IGSF11: variants seen among roughly 807,000 people sequenced by gnomAD.
IGSF11 encodes immunoglobulin superfamily member 11.
A neutral mutation model predicts 41.0 loss-of-function variants in IGSF11; 22 were observed. That is an observed-to-expected ratio of 0.54 (90% CI 0.38 to 0.77). IGSF11 has a LOEUF of 0.77. IGSF11 is among the 30% of genes least tolerant of loss of function. IGSF11 has a pLI of 0.00. For missense variants in IGSF11, 444 were observed against 530.8 expected, an observed-to-expected ratio of 0.84 and a Z score of 1.61; for synonymous variants, 219 against 201.3, an observed-to-expected ratio of 1.09 and a Z score of -0.74.
chr3:119,011,637 T>C (rs906798771), intron 1 of IGSF11, among the ~76,000 whole-genome samples: 6 of 152,058 alleles, frequency 3.9e-5, no homozygotes, highest in African/African-American at 1.5e-4. Context: ...AGAAATACTA[T>C]ATAAGTATCT....
chr3:119,057,487 G>C (rs1335668103), intron 1 of IGSF11, among the ~76,000 whole-genome samples: 1 of 152,280 alleles, frequency 6.6e-6, no homozygotes, highest in African/African-American at 2.4e-5. Context: ...ACAAACAAAT[G>C]GAAGAACATT....
chr3:119,056,202 C>T (rs1045749070), intron 1 of IGSF11, among the ~76,000 whole-genome samples: 4 of 151,744 alleles, frequency 2.6e-5, no homozygotes, highest in African/African-American at 9.7e-5. Flanking sequence ...TTGAAAAGAT[C>T]AACAAAATTG....
At chr3:119,121,005 T>C (rs2077325968) in intron 1 of IGSF11, among the ~76,000 whole-genome samples, 1 of 151,852 alleles carries the variant, frequency 6.6e-6, no homozygotes, top group African/African-American at 2.4e-5. Flanking sequence ...ATAGAATTAA[T>C]ACAGAAAAAT....
chr3:119,034,358 G>A (rs557343256), intron 1 of IGSF11, among the ~76,000 whole-genome samples, 173 bp downstream of exon 1: 1 of 152,320 alleles, frequency 6.6e-6, no homozygotes, highest in African/African-American at 2.4e-5. Context: ...GGCAGAAGCA[G>A]CCGCTGCAGG....
intron 1 of IGSF11, among the ~76,000 whole-genome samples, chr3:119,077,274 G>A (rs1180574863): frequency 2.0e-5 from 3 of 151,994 alleles, no homozygotes; most frequent in Admixed American, 6.5e-5. Flanking sequence ...GTTGTGGGGT[G>A]GGGGAAGGGG....
chr3:118,911,097 T>C (rs759947951), intron 4 of IGSF11, among the ~76,000 whole-genome samples: 4 of 152,010 alleles, frequency 2.6e-5, no homozygotes, highest in Non-Finnish European at 4.4e-5. Flanking sequence ...AGTTGCAGAG[T>C]AAGGTGTATG....
At chr3:119,034,922 T>TCGCCG (rs557466185), upstream of IGSF11, 31,387 of 877,266 alleles carry the variant, frequency 0.036, 923 homozygotes, top group Non-Finnish European at 0.038. Context: ...GCTCGGCTCC[T>TCGCCG]CGCCGCGCCG....
At chr3:119,009,535 A>G (rs1937840836) in intron 1 of IGSF11, among the ~76,000 whole-genome samples, 1 of 152,096 alleles carries the variant, frequency 6.6e-6, no homozygotes, top group South Asian at 2.1e-4. Flanking sequence ...TGAAGAAGGT[A>G]CTTGCTTTTC....
chr3:118,936,421 C>A (rs1303971240), intron 1 of IGSF11, among the ~76,000 whole-genome samples: 1 of 151,224 alleles, frequency 6.6e-6, no homozygotes, highest in Non-Finnish European at 1.5e-5. Context: ...GCAGGAGAGT[C>A]GCTTTAACCT....
chr3:119,105,924 C>A (rs1255544566), upstream of IGSF11, among the ~76,000 whole-genome samples: 1 of 152,056 alleles, frequency 6.6e-6, no homozygotes, highest in Non-Finnish European at 1.5e-5. Context: ...CCCCTTGAAC[C>A]CCAACCAACA....
intron 1 of IGSF11, among the ~76,000 whole-genome samples, chr3:119,079,134 G>A (rs1490915774): frequency 2.6e-5 from 4 of 152,138 alleles, no homozygotes; most frequent in African/African-American, 9.7e-5. Flanking sequence ...GAAGTGGGCA[G>A]ATCACCTGAG....
intron 4 of IGSF11, among the ~76,000 whole-genome samples, chr3:118,909,648 C>T (rs1047066947): frequency 8.5e-5 from 13 of 152,180 alleles, no homozygotes; most frequent in African/African-American, 2.7e-4. Flanking sequence ...CCAAGGGCAC[C>T]GTCCAGATGG....
chr3:119,068,866 T>C (rs186647559), intron 1 of IGSF11, among the ~76,000 whole-genome samples: 3 of 151,980 alleles, frequency 2.0e-5, no homozygotes, highest in African/African-American at 7.2e-5. Context: ...AAGTAAAGCA[T>C]GCAATTAGAG....
chr3:119,141,042 TA>T (rs35323898), intron 1 of IGSF11, among the ~76,000 whole-genome samples: 233 of 99,764 alleles, frequency 2.3e-3, no homozygotes, highest in African/African-American at 7.8e-3. Flanking sequence ...TCTGTCTCAT[TA>T]AAAAAAAAAA....
intron 1 of IGSF11, among the ~76,000 whole-genome samples, chr3:119,073,886 C>T (rs563234781): frequency 1.2e-3 from 188 of 152,346 alleles, no homozygotes; most frequent in Non-Finnish European, 2.4e-3. Flanking sequence ...TCAATCATGG[C>T]CAGAGTGGGC....
At chr3:118,980,508 G>T (rs527704782) in intron 1 of IGSF11, among the ~76,000 whole-genome samples, 2 of 152,302 alleles carry the variant, frequency 1.3e-5, no homozygotes, top group South Asian at 2.1e-4. Context: ...AGATACCAGA[G>T]ACTGGGACGG....
At chr3:119,109,503 G>C (rs1184841413), upstream of IGSF11, among the ~76,000 whole-genome samples, 6 of 152,146 alleles carry the variant, frequency 3.9e-5, no homozygotes, top group African/African-American at 1.4e-4. Flanking sequence ...AGTCTTGCTA[G>C]TGGTCTATGA....
In IGSF11 at chr3:118,999,275, A is replaced by G. The variant is rs537111454; in HGVS notation, c.52+35256T>C. On this transcript the variant is annotated intron_variant, in intron 1 of 6. Coordinates refer to ENST00000393775, the MANE Select transcript of IGSF11 (RefSeq NM_001015887.3). ...TGGTCAAAATAAATAACATTTTTAA[A>G]AAGTGAACCATGTATAAGAGTACTT... Among the ~76,000 whole-genome samples the G allele has an allele frequency of 8.7e-4, 133 of 152,282 alleles. 1 individual carries two copies. The South Asian group carries it at 0.022, about 25-fold the overall frequency.
intron 1 of IGSF11, among the ~76,000 whole-genome samples, chr3:118,973,675 G>A (rs1430384858): frequency 6.6e-6 from 1 of 152,114 alleles, no homozygotes; most frequent in Non-Finnish European, 1.5e-5. Flanking sequence ...GAAAATAAGT[G>A]GTAGAACACA....
Sources: allele counts gnomAD v4.1 joint callset (sites outside exome capture counted in the v4.1 genomes callset), GRCh38; gene constraint gnomAD v4.1.1; transcripts MANE v1.5; gene names NCBI Gene and HGNC (gene_info 2026-07-23, HGNC 2026-07-21).